The following ATF6 variants were observed in gnomAD, a reference collection of about 807,000 sequenced individuals.
ATF6 encodes activating transcription factor 6.
A neutral mutation model predicts 83.6 loss-of-function variants in ATF6; 53 were observed. The observed-to-expected ratio is 0.63, with a 90% CI of 0.51 to 0.80. The LOEUF (loss-of-function observed/expected upper bound fraction) is 0.80. Among genes scored for constraint, ATF6 ranks in the 30% least tolerant of loss-of-function variants. The pLI is 0.00. For synonymous variants in ATF6, 288 were observed against 285.8 expected (o/e 1.01, Z -0.08); for missense variants, 744 against 797.9 (o/e 0.93, Z 0.81).
chr1:161,875,501 A>G (rs1687197769), intron 14 of ATF6, among the ~76,000 whole-genome samples: 1 of 151,788 alleles, frequency 6.6e-6, no homozygotes, highest in African/African-American at 2.4e-5. Context: ...ACTATCACAA[A>G]TCTTATCAGA....
At chr1:161,935,988 G>A (rs990981432) in intron 15 of ATF6, among the ~76,000 whole-genome samples, 1 of 152,330 alleles carries the variant, frequency 6.6e-6, no homozygotes, top group African/African-American at 2.4e-5. Context: ...CAGAGAAAAA[G>A]CCTTAATGCC....
At chr1:161,837,295 G>GT (rs1686245028) in intron 9 of ATF6, among the ~76,000 whole-genome samples, 1 of 152,158 alleles carries the variant, frequency 6.6e-6, no homozygotes, top group South Asian at 2.1e-4. Flanking sequence ...AGATTGAGCT[G>GT]TTTTGTCACA....
intron 4 of ATF6, among the ~76,000 whole-genome samples, chr1:161,785,965 A>G (rs1191794427): frequency 6.6e-6 from 1 of 150,390 alleles, no homozygotes; most frequent in Non-Finnish European, 1.5e-5. Flanking sequence ...TGTCATTTCA[A>G]ATTTTTGTTC....
intron 9 of ATF6, among the ~76,000 whole-genome samples, chr1:161,845,244 T>C (rs1028331299): frequency 1.3e-5 from 2 of 152,196 alleles, no homozygotes; most frequent in Non-Finnish European, 2.9e-5. Context: ...AAAGAACCGC[T>C]TTTCCTTTAG....
chr1:161,868,337 G>T (rs1687053622), intron 14 of ATF6, among the ~76,000 whole-genome samples: 1 of 152,104 alleles, frequency 6.6e-6, no homozygotes, highest in African/African-American at 2.4e-5. Context: ...AATGACTTTG[G>T]CAGGCACTGG....
chr1:161,772,478 C>T (rs1358063685), intron 1 of ATF6, among the ~76,000 whole-genome samples: 1 of 152,206 alleles, frequency 6.6e-6, no homozygotes, highest in Non-Finnish European at 1.5e-5. Flanking sequence ...CAGAAGAGAA[C>T]TTCTACAGTC....
intron 7 of ATF6, among the ~76,000 whole-genome samples, chr1:161,815,611 TTATC>T (rs528631512): frequency 9.1e-4 from 139 of 152,218 alleles, no homozygotes; most frequent in Middle Eastern, 6.8e-3. Flanking sequence ...CTTACAGTGT[TTATC>T]AATCAATAAG....
intron 15 of ATF6, among the ~76,000 whole-genome samples, chr1:161,916,895 G>T (rs1042056587): frequency 2.6e-5 from 4 of 152,146 alleles, no homozygotes; most frequent in Admixed American, 6.5e-5. Flanking sequence ...CTCCTTTCCA[G>T]TCGTTCCCCT....
At chr1:161,781,762 A>T (rs779389186) in intron 2 of ATF6, 150 bp from the exon 3 acceptor site, 99 of 551,848 alleles carry the variant, frequency 1.8e-4, no homozygotes, top group Admixed American at 3.6e-5. Flanking sequence ...TCCAAGATGT[A>T]TTCTCATACA....
intron 7 of ATF6, among the ~76,000 whole-genome samples, chr1:161,807,534 C>T (rs768571119): frequency 2.0e-5 from 3 of 152,184 alleles, no homozygotes; most frequent in Non-Finnish European, 1.5e-5. Context: ...ATTTGGAGAG[C>T]TGGAGTTATC....
chr1:161,789,252 CTTTTTTTTTTTTTTT>C (rs71755584), intron 4 of ATF6, among the ~76,000 whole-genome samples: 2 of 101,380 alleles, frequency 2.0e-5, no homozygotes, highest in South Asian at 3.2e-4. Flanking sequence ...ATTCCTTCTC[CTTTTTTTTTTTTTTT>C]TTTTTTTTTT....
At chr1:161,893,831 A>G (rs1451200943) in intron 14 of ATF6, among the ~76,000 whole-genome samples, 4 of 152,320 alleles carry the variant, frequency 2.6e-5, no homozygotes, top group East Asian at 3.9e-4. Context: ...TGTTCCTCAC[A>G]TAATATAATC....
intron 6 of ATF6, among the ~76,000 whole-genome samples, chr1:161,794,194 G>A (rs557287383): frequency 1.3e-5 from 2 of 152,060 alleles, no homozygotes; most frequent in Admixed American, 6.5e-5. Context: ...GTGAGCCACC[G>A]CGCCTGGTGC....
intron 15 of ATF6, among the ~76,000 whole-genome samples, chr1:161,917,032 C>A (rs1249178932): frequency 1.3e-5 from 2 of 152,196 alleles, no homozygotes; most frequent in African/African-American, 4.8e-5. Flanking sequence ...CCTCTTCTGT[C>A]AGGATGGAAT....
chr1:161,770,572 A>G (rs1034226223), intron 1 of ATF6, among the ~76,000 whole-genome samples: 23 of 152,184 alleles, frequency 1.5e-4, no homozygotes, highest in African/African-American at 5.1e-4. Context: ...GTCCTATCAG[A>G]TTAGTGCCCC....
chr1:161,874,453 AAAAT>A (rs1268700517), intron 14 of ATF6, among the ~76,000 whole-genome samples: 1 of 151,726 alleles, frequency 6.6e-6, no homozygotes, highest in African/African-American at 2.4e-5. Context: ...AATATGCCCT[AAAAT>A]AAATCTTGAA....
chr1:161,958,724 T>A lies in ATF6; in HGVS notation c.*70T>A, dbSNP rs1350068348. 2 of 1,328,816 alleles carry A rather than the reference T, an allele frequency of 1.5e-6. No homozygotes were observed. Among genetic ancestry groups the A allele is most frequent in the Non-Finnish European group, 2.0e-6 (2 of 975,866 alleles). 82.3% of individuals were successfully genotyped at this position (1,328,816 alleles called of 1,614,324 possible). A position where few individuals can be genotyped will look rare whatever the true frequency, so the allele number is the denominator to read the frequency against. Reference sequence around the variant, plus strand: ...ACTGAAGAGCAGGTGAGCAAAATGCTGCTTTCTGCCTTGGTGGCAGGCAGA... The same window carrying A: ...ACTGAAGAGCAGGTGAGCAAAATGCAGCTTTCTGCCTTGGTGGCAGGCAGA... On this transcript the variant is annotated 3_prime_UTR_variant, in exon 16 of 16. Transcript: ENST00000367942.
At position 161,912,520 on chromosome 1, in the gene ATF6, TTTTA is replaced by T. The variant is rs555461248; in HGVS notation, c.1804+143_1804+146del. 1.5e-3 allele frequency: 729 copies of T among 476,712 alleles called. 6 individuals are homozygous for T. In the East Asian group the frequency reaches 0.021, roughly 14 times the overall value. 29.5% of individuals were successfully genotyped at this position (476,712 alleles called of 1,614,324 possible). On this transcript the variant is annotated intron_variant, in intron 15 of 15. Coordinates refer to ENST00000367942, the MANE Select transcript of ATF6 (RefSeq NM_007348.4). ...TTATTTCTGAAACATTTTTCCACTG[TTTTA>T]TTATTTTTAAGATCCATTATTCTTT...
Position 161,961,219 on chromosome 1 carries a change from CTG to C in ATF6, c.*2566_*2567del, listed in dbSNP as rs1448062295. ...GGTAGCGGTTGGGAGGGAGTCTCCA[CTG>C]AAGAGCAGGAAGGTGGTAGCAGGGC... On this transcript the variant is annotated 3_prime_UTR_variant, in exon 16 of 16. Transcript: ENST00000367942. 1.3e-5 allele frequency: 2 copies of C among 152,342 alleles called. No homozygotes were observed. Among genetic ancestry groups the C allele is most frequent in the South Asian group, 2.1e-4 (1 of 4,836 alleles). The allele number at this position is 152,342 out of a possible 1,614,324, so 9.4% of individuals were successfully genotyped here. A position where few individuals can be genotyped will look rare whatever the true frequency, so the allele number is the denominator to read the frequency against.
Sources: gnomAD v4.1 joint callset for allele counts (sites outside exome capture counted in the v4.1 genomes callset) on GRCh38, gnomAD v4.1.1 for gene constraint, MANE v1.5 for transcripts, NCBI Gene and HGNC (gene_info 2026-07-23, HGNC 2026-07-21) for gene names.